The following CCDC171 variants were observed in gnomAD, a reference collection of about 807,000 sequenced individuals.
The protein encoded by CCDC171 is coiled-coil domain containing 171, also known as coiled-coil domain-containing protein 171.
CCDC171 carries 177 observed loss-of-function variants against 168.2 expected under a neutral mutation model. That is an observed-to-expected ratio of 1.05 (90% CI 0.93 to 1.19). The LOEUF (loss-of-function observed/expected upper bound fraction) is 1.19. Among genes scored for constraint, CCDC171 ranks in the 50% most tolerant of loss-of-function variants. The pLI is 0.00. For synonymous variants in CCDC171, 687 were observed against 540.8 expected (o/e 1.27, Z -3.75); for missense variants, 1,991 against 1,539.0 (o/e 1.29, Z -4.91).
At chr9:15,560,546 C>T (rs1008873818) in intron 1 of CCDC171, among the ~76,000 whole-genome samples, 1 of 152,116 alleles carries the variant, frequency 6.6e-6, no homozygotes, top group Non-Finnish European at 1.5e-5. Context: ...GCATTCGTCA[C>T]ATAGTTCTCT....
rs2053927120 is a variant in CCDC171 at position 15,728,052 on chromosome 9, C to T, written c.1860+16C>T. 6 of 1,589,874 alleles carry T rather than the reference C, an allele frequency of 3.8e-6. No homozygotes were observed. The Admixed American group carries it at 1.0e-4, about 27-fold the overall frequency. On this transcript the variant is annotated intron_variant, in intron 15 of 25. Transcript: ENST00000380701. ...TAATGAGAAGGTAACTGTCCTCAGGCACCAGATACCTCTATTAAATTCAGT... is the reference window on the plus strand; with the variant it reads ...TAATGAGAAGGTAACTGTCCTCAGGTACCAGATACCTCTATTAAATTCAGT...
intron 3 of CCDC171, 93 bp downstream of exon 3, chr9:15,571,852 A>G (rs751750021): frequency 7.3e-5 from 83 of 1,138,714 alleles, no homozygotes; most frequent in Non-Finnish European, 2.5e-5. Context: ...AACCTTTATA[A>G]CTATACCATT....
intron 16 of CCDC171, among the ~76,000 whole-genome samples, chr9:15,733,684 G>A (rs1185196568): frequency 1.5e-5 from 2 of 132,992 alleles, no homozygotes; most frequent in African/African-American, 5.5e-5. Flanking sequence ...CTTTTACTAA[G>A]TTTAAAATCA....
chr9:15,694,558 C>G (rs2051068019), intron 10 of CCDC171, among the ~76,000 whole-genome samples: 1 of 152,234 alleles, frequency 6.6e-6, no homozygotes, highest in African/African-American at 2.4e-5. Context: ...GATTCAACTA[C>G]TGAAATCCAC....
intron 6 of CCDC171, among the ~76,000 whole-genome samples, chr9:15,621,346 G>A (rs928491522): frequency 2.0e-5 from 3 of 152,122 alleles, no homozygotes; most frequent in Admixed American, 6.5e-5. Context: ...ACACTATAGT[G>A]CAAACATTAC....
chr9:15,585,377 A>G (rs1212566247), intron 4 of CCDC171, among the ~76,000 whole-genome samples: 1 of 152,230 alleles, frequency 6.6e-6, no homozygotes, highest in Non-Finnish European at 1.5e-5. Flanking sequence ...AATTTGTGTT[A>G]TATAATGAAA....
At chr9:15,713,905 T>TC (rs1326448366) in intron 11 of CCDC171, among the ~76,000 whole-genome samples, 1 of 151,266 alleles carries the variant, frequency 6.6e-6, no homozygotes, top group Non-Finnish European at 1.5e-5. Flanking sequence ...TATAGCTCTG[T>TC]GGTAGGGCGG....
intron 23 of CCDC171, among the ~76,000 whole-genome samples, chr9:15,859,778 G>A (rs1359977661): frequency 6.6e-6 from 1 of 151,696 alleles, no homozygotes; most frequent in Non-Finnish European, 1.5e-5. Flanking sequence ...TCCTACCTCA[G>A]TCTCCTAAGT....
In CCDC171 at chr9:15,821,542, AACAG is replaced by A. The variant is rs1427094812; in HGVS notation, c.3268-25156_3268-25153del. ...GTCACAAGCATTCTTATACACCAAT[AACAG>A]ACAAACAGCCAAATCATGAGTGAAC... On this transcript the variant is annotated intron_variant, in intron 21 of 25. Coordinates refer to ENST00000380701, the MANE Select transcript of CCDC171 (RefSeq NM_173550.4). Among the ~76,000 whole-genome samples, 12 of 117,450 alleles carry A rather than the reference AACAG, an allele frequency of 1.0e-4. 3 individuals carry two copies. Among genetic ancestry groups the A allele is most frequent in the African/African-American group, 3.8e-4 (12 of 31,340 alleles). The allele number at this position is 117,450 out of a possible 152,430, so 77.1% of individuals were successfully genotyped here.
chr9:15,812,869 G>A (rs1431568220), intron 21 of CCDC171, among the ~76,000 whole-genome samples: 1 of 152,194 alleles, frequency 6.6e-6, no homozygotes, highest in Non-Finnish European at 1.5e-5. Context: ...ATTGGGTTGA[G>A]CATGGGTTTA....
chr9:15,977,115 T>C (rs1289265946), downstream of CCDC171, among the ~76,000 whole-genome samples: 1 of 152,192 alleles, frequency 6.6e-6, no homozygotes, highest in African/African-American at 2.4e-5. Context: ...TCTTATACCT[T>C]AGCAATTTTA....
chr9:15,611,745 A>C (rs1246435737), intron 6 of CCDC171, among the ~76,000 whole-genome samples: 1 of 152,186 alleles, frequency 6.6e-6, no homozygotes, highest in African/African-American at 2.4e-5. Context: ...GAGCTGGCAG[A>C]GGCAACCCGA....
In CCDC171 at chr9:15,731,197, T is replaced by C. The variant is rs185207339; in HGVS notation, c.2049+1399T>C. ...TATCTAACTGTATTATTGTACCCTTTAACCTACCTCTCTCCATCCCTTTCC... is the reference window on the plus strand; with the variant it reads ...TATCTAACTGTATTATTGTACCCTTCAACCTACCTCTCTCCATCCCTTTCC... On this transcript the variant is annotated intron_variant, in intron 16 of 25. Coordinates refer to ENST00000380701, the MANE Select transcript of CCDC171 (RefSeq NM_173550.4). Among the ~76,000 whole-genome samples, 102 of 152,194 alleles carry C rather than the reference T, an allele frequency of 6.7e-4. 2 individuals carry two copies. In the East Asian group the frequency reaches 0.019, roughly 28 times the overall value.
intron 21 of CCDC171, among the ~76,000 whole-genome samples, chr9:15,834,561 A>G (rs367793496): frequency 6.6e-6 from 1 of 152,366 alleles, no homozygotes; most frequent in East Asian, 1.9e-4. Flanking sequence ...TATATTCACA[A>G]TTAAGAGGCT....
chr9:15,951,137 A>G (rs1829107743), intron 25 of CCDC171, among the ~76,000 whole-genome samples: 1 of 150,670 alleles, frequency 6.6e-6, no homozygotes, highest in Admixed American at 6.7e-5. Context: ...GTCCTGAGCG[A>G]CCTACAAAGA....
chr9:16,014,940 C>G (rs1478871163), intron 3 of CCDC171, among the ~76,000 whole-genome samples: 3 of 152,022 alleles, frequency 2.0e-5, no homozygotes, highest in Admixed American at 6.6e-5. Context: ...GTCACCAGCT[C>G]CATTAGCCGC....
intron 24 of CCDC171, among the ~76,000 whole-genome samples, chr9:15,907,761 T>C (rs979953690): frequency 6.6e-6 from 1 of 152,236 alleles, no homozygotes; most frequent in Non-Finnish European, 1.5e-5. Context: ...TCTAGTCATC[T>C]GACAAAGGGC....
intron 21 of CCDC171, among the ~76,000 whole-genome samples, chr9:15,835,975 C>G (rs1253548725): frequency 6.6e-6 from 1 of 151,876 alleles, no homozygotes; most frequent in Non-Finnish European, 1.5e-5. Context: ...AATTATTTTT[C>G]TATAATGTCC....
chr9:15,758,338 G>C (rs1588333507), intron 18 of CCDC171, among the ~76,000 whole-genome samples: 2 of 152,350 alleles, frequency 1.3e-5, no homozygotes, highest in East Asian at 3.9e-4. Flanking sequence ...TGCCCTGCTG[G>C]ATTTTGGACT....
Sources: allele counts gnomAD v4.1 joint callset (sites outside exome capture counted in the v4.1 genomes callset), GRCh38; gene constraint gnomAD v4.1.1; transcripts MANE v1.5; gene names NCBI Gene and HGNC (gene_info 2026-07-23, HGNC 2026-07-21).